The following SLC4A4 variants were observed in gnomAD, a reference collection of about 807,000 sequenced individuals.
SLC4A4 encodes electrogenic sodium bicarbonate cotransporter 1.
A neutral mutation model predicts 111.5 loss-of-function variants in SLC4A4; 27 were observed. The observed-to-expected ratio is 0.24, with a 90% CI of 0.18 to 0.33. The LOEUF (loss-of-function observed/expected upper bound fraction) is 0.33, where lower values mean the gene tolerates loss of function less well. Ranked by LOEUF, SLC4A4 falls within the 10% of genes least tolerant of loss-of-function variation. The pLI is 1.00. For missense variants in SLC4A4, 909 were observed against 1,315.5 expected (o/e 0.69, Z 4.78); for synonymous variants, 443 against 463.4 (o/e 0.96, Z 0.57).
At chr4:71,368,349 A>G (rs893466899) in intron 6 of SLC4A4, among the ~76,000 whole-genome samples, 1 of 152,230 alleles carries the variant, frequency 6.6e-6, no homozygotes, top group Non-Finnish European at 1.5e-5. Context: ...TAAAATTAAA[A>G]GTGAGTATTA....
At chr4:71,549,550 C>A (rs936888869) in intron 20 of SLC4A4, among the ~76,000 whole-genome samples, 21 of 151,802 alleles carry the variant, frequency 1.4e-4, no homozygotes, top group African/African-American at 4.8e-4. Flanking sequence ...TACTCATCGC[C>A]TCCCCCATTT....
At chr4:71,329,766 T>C (rs1014701221) in intron 3 of SLC4A4, among the ~76,000 whole-genome samples, 1 of 152,082 alleles carries the variant, frequency 6.6e-6, no homozygotes, top group African/African-American at 2.4e-5. Flanking sequence ...GCAAACAAGG[T>C]TAATTTGAGT....
intron 12 of SLC4A4, among the ~76,000 whole-genome samples, chr4:71,459,083 A>G (rs772119674): frequency 6.6e-5 from 10 of 152,048 alleles, no homozygotes; most frequent in Non-Finnish European, 1.0e-4. Flanking sequence ...GCTTTAAATA[A>G]TGTGCTTTGC....
In SLC4A4 at chr4:71,105,795, A is replaced by G. The variant is rs867510160; in HGVS notation, c.-2+13003A>G. On this transcript the variant is annotated intron_variant, in intron 2 of 26. Coordinates refer to the SLC4A4 transcript ENST00000649996. ...TTCAAGATGGATTAAAGACTTAAAC[A>G]TTAGACCTAAAACCATAAAAACCCT... Among the ~76,000 whole-genome samples, 11 of 105,174 alleles carry G rather than the reference A, an allele frequency of 1.0e-4. No homozygotes were observed. In the South Asian group the frequency reaches 1.4e-3, roughly 14 times the overall value. The allele number at this position is 105,174 out of a possible 152,430, so 69.0% of individuals were successfully genotyped here. A position where few individuals can be genotyped will look rare whatever the true frequency, so the allele number is the denominator to read the frequency against.
intron 7 of SLC4A4, among the ~76,000 whole-genome samples, chr4:71,432,081 G>A (rs1723688906): frequency 6.6e-6 from 1 of 152,142 alleles, no homozygotes; most frequent in South Asian, 2.1e-4. Context: ...AAGTTCCCAA[G>A]GAATTGGGCT....
chr4:71,563,909 T>C lies in SLC4A4; in HGVS notation c.3196+20T>C, dbSNP rs757335937. On this transcript the variant is annotated intron_variant, in intron 24 of 25. Coordinates refer to ENST00000264485, the MANE Select transcript of SLC4A4 (RefSeq NM_001098484.3). ...CTGACAGTGAGTAGAACTAACCTCTTGCATGCTTGCTTGAATATGATTTGC... is the reference window on the plus strand; with the variant it reads ...CTGACAGTGAGTAGAACTAACCTCTCGCATGCTTGCTTGAATATGATTTGC... 1.4e-6 allele frequency: 2 copies of C among 1,454,176 alleles called. No homozygotes were observed. The highest frequency in any genetic ancestry group is 1.7e-5 in the Admixed American group (1 of 59,560). 90.1% of individuals were successfully genotyped at this position (1,454,176 alleles called of 1,614,324 possible).
chr4:71,425,975 T>C (rs571736640), intron 7 of SLC4A4, among the ~76,000 whole-genome samples: 24 of 152,190 alleles, frequency 1.6e-4, no homozygotes, highest in African/African-American at 5.3e-4. Flanking sequence ...CTATAGAATG[T>C]CAATTATCCT....
intron 7 of SLC4A4, among the ~76,000 whole-genome samples, chr4:71,398,298 A>G (rs1720019752): frequency 6.6e-6 from 1 of 152,038 alleles, no homozygotes; most frequent in African/African-American, 2.4e-5. Context: ...AAAAAAAAAA[A>G]AAAAGAAATG....
At chr4:71,460,627 A>T (rs1421591522) in intron 12 of SLC4A4, among the ~76,000 whole-genome samples, 1 of 152,118 alleles carries the variant, frequency 6.6e-6, no homozygotes, top group African/African-American at 2.4e-5. Context: ...GAAATCACTG[A>T]TTTATTGGCT....
At chr4:71,185,953 C>T (rs1051935891), upstream of SLC4A4, among the ~76,000 whole-genome samples, 2 of 152,180 alleles carry the variant, frequency 1.3e-5, no homozygotes, top group East Asian at 3.9e-4. Context: ...ATATGTATTA[C>T]TAGAAAATGA....
rs960902578 is a variant in SLC4A4 at position 71,569,695 on chromosome 4, A to T, written c.*1944A>T. The stretch of plus-strand genomic sequence containing the variant: ...ATGAAACCACATTTTTTGGTTTGAT[A>T]ATATGCACTTATTGACTCCCACTCA... On this transcript the variant is annotated 3_prime_UTR_variant, in exon 26 of 26. Transcript: ENST00000264485. The T allele has an allele frequency of 2.0e-5, 3 of 151,672 alleles. No individual in the cohort carries two copies. The highest frequency in any genetic ancestry group is 1.3e-4 in the Admixed American group (2 of 15,180). 9.4% of individuals were successfully genotyped at this position (151,672 alleles called of 1,614,324 possible).
At chr4:71,443,116 C>CTCTCTCTCTATATATA (rs1198759861) in intron 8 of SLC4A4, among the ~76,000 whole-genome samples, 4 of 65,652 alleles carry the variant, frequency 6.1e-5, no homozygotes, top group African/African-American at 2.6e-4. Context: ...CTCTCTCTCT[C>CTCTCTCTCTATATATA]TATATATATA....
At chr4:71,155,718 C>T (rs961548544) in intron 2 of SLC4A4, among the ~76,000 whole-genome samples, 2 of 152,138 alleles carry the variant, frequency 1.3e-5, no homozygotes. Context: ...TCCGCCTCAG[C>T]CTCCTAAAGA....
In SLC4A4 at chr4:71,472,596, A is replaced by T. The variant is rs1020517081; in HGVS notation, c.1632-103A>T. ...GTTTCACATTTAGTGGCTAAAGGTG[A>T]TCTTGTATTTTTGTCAATCTTTCTG... On this transcript the variant is annotated intron_variant, in intron 13 of 25. Transcript: ENST00000264485. 3.3e-6 allele frequency: 4 copies of T among 1,197,476 alleles called. No homozygotes were observed. In the Admixed American group the frequency reaches 5.3e-5, roughly 16 times the overall value. The allele number at this position is 1,197,476 out of a possible 1,614,324, so 74.2% of individuals were successfully genotyped here. A position where few individuals can be genotyped will look rare whatever the true frequency, so the allele number is the denominator to read the frequency against.
At chr4:71,212,210 C>T (rs1718178022) in intron 1 of SLC4A4, among the ~76,000 whole-genome samples, 1 of 152,134 alleles carries the variant, frequency 6.6e-6, no homozygotes, top group Admixed American at 6.5e-5. Flanking sequence ...ATTTTGAGTT[C>T]TTTATCTCTA....
intron 4 of SLC4A4, among the ~76,000 whole-genome samples, chr4:71,344,155 T>C (rs1431674902): frequency 6.6e-6 from 1 of 152,150 alleles, no homozygotes; most frequent in Non-Finnish European, 1.5e-5. Context: ...TTCAGTTGTT[T>C]TGCCACTGTA....
At chr4:71,442,002 A>G (rs561392050) in intron 8 of SLC4A4, among the ~76,000 whole-genome samples, 1 of 152,286 alleles carries the variant, frequency 6.6e-6, no homozygotes, top group Non-Finnish European at 1.5e-5. Flanking sequence ...GCTGACTCAG[A>G]TAATGGCTGG....
At chr4:71,286,621 T>C (rs1288491080) in intron 3 of SLC4A4, among the ~76,000 whole-genome samples, 2 of 152,260 alleles carry the variant, frequency 1.3e-5, no homozygotes, top group African/African-American at 2.4e-5. Flanking sequence ...CAGAAAACAC[T>C]GCCTCCTATT....
chr4:71,224,395 T>C (rs1156348109), intron 1 of SLC4A4, among the ~76,000 whole-genome samples: 1 of 152,172 alleles, frequency 6.6e-6, no homozygotes, highest in African/African-American at 2.4e-5. Flanking sequence ...CAGCTTGACA[T>C]TGAGTGGGTA....
Sources: gnomAD v4.1 joint callset for allele counts (sites outside exome capture counted in the v4.1 genomes callset) on GRCh38, gnomAD v4.1.1 for gene constraint, MANE v1.5 for transcripts, NCBI Gene and HGNC (gene_info 2026-07-23, HGNC 2026-07-21) for gene names.